The following OIP5 variants were observed in gnomAD, a reference collection of about 807,000 sequenced individuals.
OIP5 encodes the protein Opa interacting protein 5, also known as protein Mis18-beta.
Under a neutral mutation model 20.3 loss-of-function variants are expected in OIP5, and 24 were observed. The observed-to-expected ratio is 1.18, with a 90% CI of 0.86 to 1.66. The LOEUF is 1.66. Among genes scored for constraint, OIP5 ranks in the 40% most tolerant of loss-of-function variants. OIP5 has a pLI of 0.00. For missense variants in OIP5, 339 were observed against 289.5 expected (o/e 1.17, Z -1.24); for synonymous variants, 143 against 121.3 (o/e 1.18, Z -1.17).
At position 41,319,606 on chromosome 15, in the gene OIP5, CAAAAT is replaced by C. The variant is rs905599918; in HGVS notation, c.512+47_512+51del. On this transcript the variant is annotated intron_variant, in intron 3 of 4. Coordinates refer to ENST00000220514, the MANE Select transcript of OIP5 (RefSeq NM_007280.2). Reference sequence around the variant, plus strand: ...AAAATTTATTTGATGGACTTTGTCTCAAAATAAATAAAATAAAATGTATTTGATGA... The same window carrying C: ...AAAATTTATTTGATGGACTTTGTCTCAAATAAAATAAAATGTATTTGATGA... The C allele has an allele frequency of 4.0e-5, 62 of 1,548,464 alleles. No individual in the cohort carries two copies. In the African/African-American group the frequency reaches 7.8e-4, roughly 20 times the overall value.
chr15:41,314,252 C>T (rs2047776425), intron 3 of OIP5, among the ~76,000 whole-genome samples: 1 of 152,242 alleles, frequency 6.6e-6, no homozygotes, highest in Admixed American at 6.5e-5. Context: ...CAGGCTTGCG[C>T]CACCACGCCC....
intron 2 of OIP5, among the ~76,000 whole-genome samples, chr15:41,320,980 G>T (rs541610273): frequency 2.9e-4 from 44 of 150,308 alleles, no homozygotes; most frequent in South Asian, 2.1e-3. Context: ...CCGCGACCCT[G>T]CCTGGGAGGT....
At chr15:41,310,507 G>A (rs1391392284) in intron 4 of OIP5, among the ~76,000 whole-genome samples, 1 of 152,042 alleles carries the variant, frequency 6.6e-6, no homozygotes, top group East Asian at 1.9e-4. Flanking sequence ...GCGGGCGCCT[G>A]TAGTCCCAGC....
chr15:41,332,150 C>T, intron 1 of OIP5, 90 bp downstream of exon 1: 4 of 1,428,840 alleles, frequency 2.8e-6, no homozygotes, highest in Non-Finnish European at 3.8e-6. Context: ...CCGTTTTCTT[C>T]CCCAGGTGGT....
intron 3 of OIP5, among the ~76,000 whole-genome samples, chr15:41,314,506 AG>A (rs968193567): frequency 2.2e-4 from 34 of 151,852 alleles, no homozygotes; most frequent in Admixed American, 7.9e-4. Flanking sequence ...CTGGCCAACA[AG>A]GGTAAGAAAA....
At chr15:41,320,841 C>A (rs1026590385) in intron 2 of OIP5, among the ~76,000 whole-genome samples, 7 of 150,840 alleles carry the variant, frequency 4.6e-5, no homozygotes, top group Admixed American at 4.0e-4. Context: ...AAGTGAGGAG[C>A]GCCTCTTCCC....
Position 41,313,269 on chromosome 15 carries a change from T to C in OIP5, c.594+4A>G, listed in dbSNP as rs1177260088. The C allele has an allele frequency of 1.9e-6, 3 of 1,558,006 alleles. No homozygotes were observed. Among genetic ancestry groups the C allele is most frequent in the Admixed American group, 3.4e-5 (2 of 58,910 alleles). ...AAAAGCATACAACCATCATGAAATT[T>C]TACCTCTGCAATCTTTTCTGATAGA... On this transcript the variant is annotated splice_donor_region_variant and intron_variant, in intron 4 of 4. Transcript: ENST00000220514.
In OIP5 at chr15:41,309,839, TTC is replaced by T; in HGVS notation, c.603_604del (p.Lys202AspfsTer17). ...TAAGCGATTGTGCGTTAGCACTATC[TTC>T]TCTTTCAGCTAGGAAGAGAAATATA... On this transcript the variant is annotated frameshift_variant, in exon 5 of 5. Transcript: ENST00000220514. LOFTEE classifies it low-confidence loss of function (END_TRUNC). The T allele has an allele frequency of 6.2e-7, 1 of 1,610,052 alleles. No homozygotes were observed. Among genetic ancestry groups the T allele is most frequent in the Non-Finnish European group, 8.5e-7 (1 of 1,176,520 alleles).
chr15:41,331,190 G>C (rs962720093), intron 2 of OIP5, among the ~76,000 whole-genome samples: 5 of 152,156 alleles, frequency 3.3e-5, no homozygotes, highest in Admixed American at 2.0e-4. Flanking sequence ...AAATTGAGGA[G>C]CCTTGCAATA....
intron 3 of OIP5, among the ~76,000 whole-genome samples, chr15:41,318,716 CTT>C (rs11287857): frequency 5.4e-4 from 78 of 143,692 alleles, no homozygotes; most frequent in Non-Finnish European, 5.0e-4. Flanking sequence ...GGTCCCACTG[CTT>C]TTTTTTTTTT....
intron 2 of OIP5, among the ~76,000 whole-genome samples, chr15:41,325,581 T>C (rs1374616611): frequency 6.6e-6 from 1 of 150,648 alleles, no homozygotes; most frequent in African/African-American, 2.4e-5. Context: ...CTGGGCGCAG[T>C]GGCTCACACC....
rs924448218 is a variant in OIP5 at position 41,318,879 on chromosome 15, T to TA, written c.512+778dup. Among the ~76,000 whole-genome samples the TA allele has an allele frequency of 9.6e-4, 140 of 145,670 alleles. 1 individual carries two copies. The highest frequency in any genetic ancestry group is 1.4e-3 in the Non-Finnish European group (89 of 65,916). On this transcript the variant is annotated intron_variant, in intron 3 of 4. Coordinates refer to ENST00000220514, the MANE Select transcript of OIP5 (RefSeq NM_007280.2). Reference sequence around the variant, plus strand: ...CCAGCTAATTTTTTAAAATTTTGTATAAAAAAAAAACAGGAGTCTCACTAT... The same window carrying TA: ...CCAGCTAATTTTTTAAAATTTTGTATAAAAAAAAAAACAGGAGTCTCACTAT...
chr15:41,314,688 A>T (rs1039440243), intron 3 of OIP5, among the ~76,000 whole-genome samples: 9 of 150,582 alleles, frequency 6.0e-5, no homozygotes, highest in Non-Finnish European at 1.2e-4. Context: ...CTGAAGTGCA[A>T]TGGCGAGATC....
chr15:41,320,323 G>A (rs986077648), intron 2 of OIP5, among the ~76,000 whole-genome samples: 10 of 151,494 alleles, frequency 6.6e-5, no homozygotes, highest in Admixed American at 1.3e-4. Context: ...TCCCTCTGAT[G>A]CCAAGCCAAA....
Position 41,328,187 on chromosome 15 carries a change from ATTTTG to A in OIP5, c.389+3723_389+3727del, listed in dbSNP as rs776203100. On this transcript the variant is annotated intron_variant, in intron 2 of 4. Coordinates refer to ENST00000220514, the MANE Select transcript of OIP5 (RefSeq NM_007280.2). ...CTTCAAAACATTGTGGAGGATAGATATTTTGTTTTGTTTTAGAGATGAAGTCTCGC... is the reference window on the plus strand; with the variant it reads ...CTTCAAAACATTGTGGAGGATAGATATTTTGTTTTAGAGATGAAGTCTCGC... 4.6e-5 allele frequency among the ~76,000 whole-genome samples: 7 copies of A among 152,324 alleles called. No homozygotes were observed. In the South Asian group the frequency reaches 8.3e-4, roughly 18 times the overall value.
intron 2 of OIP5, among the ~76,000 whole-genome samples, chr15:41,322,013 A>G (rs549807424): frequency 1.3e-5 from 2 of 152,336 alleles, no homozygotes; most frequent in South Asian, 4.1e-4. Flanking sequence ...CTAGCAAGCC[A>G]TCTATTTTGT....
At chr15:41,328,413 G>T (rs1040662249) in intron 2 of OIP5, among the ~76,000 whole-genome samples, 13 of 151,976 alleles carry the variant, frequency 8.6e-5, no homozygotes, top group African/African-American at 2.7e-4. Flanking sequence ...TCTTCTCTCG[G>T]GTTTGAATTT....
At chr15:41,324,390 G>A (rs2047848871) in intron 2 of OIP5, among the ~76,000 whole-genome samples, 2 of 152,154 alleles carry the variant, frequency 1.3e-5, no homozygotes, top group Non-Finnish European at 2.9e-5. Context: ...TTAGGCTTTA[G>A]TTTAAAGGAA....
At chr15:41,320,230 A>G (rs2047814270) in intron 2 of OIP5, among the ~76,000 whole-genome samples, 1 of 152,136 alleles carries the variant, frequency 6.6e-6, no homozygotes, top group South Asian at 2.1e-4. Context: ...GCTTATATTA[A>G]AAAAGAAAGT....
Sources: gnomAD v4.1 joint callset for allele counts (sites outside exome capture counted in the v4.1 genomes callset) on GRCh38, gnomAD v4.1.1 for gene constraint, MANE v1.5 for transcripts, NCBI Gene and HGNC (gene_info 2026-07-23, HGNC 2026-07-21) for gene names.